TFCP2L1: variants seen among roughly 807,000 people sequenced by gnomAD.
TFCP2L1 encodes transcription factor CP2 like 1.
TFCP2L1 carries 12 observed loss-of-function variants against 72.2 expected under a neutral mutation model. The observed-to-expected ratio is 0.17, with a 90% CI of 0.11 to 0.27. The LOEUF (loss-of-function observed/expected upper bound fraction) is 0.27. Ranked by LOEUF, TFCP2L1 falls within the 10% of genes least tolerant of loss-of-function variation. TFCP2L1 has a pLI of 1.00. For synonymous variants in TFCP2L1, 260 were observed against 251.0 expected, an observed-to-expected ratio of 1.04 and a Z score of -0.34; for missense variants, 488 against 624.6, an observed-to-expected ratio of 0.78 and a Z score of 2.33.
At chr2:121,262,337 C>T (rs189223752) in intron 2 of TFCP2L1, among the ~76,000 whole-genome samples, 20 of 152,054 alleles carry the variant, frequency 1.3e-4, no homozygotes, top group African/African-American at 2.9e-4. Context: ...TGGTGGCGGG[C>T]GCCTGTAACC....
Position 121,249,701 on chromosome 2 carries a change from G to A in TFCP2L1, c.215-54C>T, listed in dbSNP as rs895507214. On this transcript the variant is annotated intron_variant, in intron 2 of 14. Coordinates refer to ENST00000263707, the MANE Select transcript of TFCP2L1 (RefSeq NM_014553.3). ...ATTTCTGAGTATTTCTAAATTTGGGGTTCATTCAGCTAGCAGCCTTCTCAA... is the reference window on the plus strand; with the variant it reads ...ATTTCTGAGTATTTCTAAATTTGGGATTCATTCAGCTAGCAGCCTTCTCAA... 6.9e-6 allele frequency: 11 copies of A among 1,585,272 alleles called. No individual in the cohort carries two copies. The African/African-American group carries it at 1.1e-4, about 16-fold the overall frequency.
chr2:121,278,909 CAGG>C (rs1478376705), intron 2 of TFCP2L1, among the ~76,000 whole-genome samples: 2 of 151,586 alleles, frequency 1.3e-5, no homozygotes, highest in African/African-American at 4.9e-5. Flanking sequence ...GAGGCTGAGG[CAGG>C]AGAATTGCTT....
chr2:121,255,677 C>T (rs1686700685), intron 2 of TFCP2L1, among the ~76,000 whole-genome samples: 1 of 152,148 alleles, frequency 6.6e-6, no homozygotes, highest in South Asian at 2.1e-4. Context: ...CCCAATGTTT[C>T]GTTCTTGCAA....
Position 121,221,186 on chromosome 2 carries a change from T to C in TFCP2L1, c.*3155A>G, listed in dbSNP as rs1244701638. On this transcript the variant is annotated 3_prime_UTR_variant, in exon 15 of 15. Transcript: ENST00000263707. ...GACCCTGAGCACATTATTCCACTTC[T>C]AGGTGATTCAGTTTCCTCATGACTC... 1 of 152,204 alleles carries C rather than the reference T, an allele frequency of 6.6e-6. No individual in the cohort carries two copies. The highest frequency in any genetic ancestry group is 1.5e-5 in the Non-Finnish European group (1 of 68,042). 9.4% of individuals were successfully genotyped at this position (152,204 alleles called of 1,614,324 possible).
At chr2:121,268,149 C>G (rs1686970560) in intron 2 of TFCP2L1, among the ~76,000 whole-genome samples, 1 of 152,110 alleles carries the variant, frequency 6.6e-6, no homozygotes, top group African/African-American at 2.4e-5. Flanking sequence ...AAACACACCC[C>G]CTATTAATTT....
At chr2:121,265,486 C>T (rs1009429100) in intron 2 of TFCP2L1, among the ~76,000 whole-genome samples, 45 of 147,194 alleles carry the variant, frequency 3.1e-4, no homozygotes, top group African/African-American at 1.1e-3. Context: ...CACAATAAAG[C>T]TTTTTTTTTT....
intron 2 of TFCP2L1, among the ~76,000 whole-genome samples, chr2:121,269,523 G>A (rs1319174435): frequency 6.6e-6 from 1 of 152,136 alleles, no homozygotes; most frequent in East Asian, 1.9e-4. Context: ...CACTTAGGGA[G>A]GCTGGGGCAG....
chr2:121,261,844 T>C (rs1281307855), intron 2 of TFCP2L1, among the ~76,000 whole-genome samples: 1 of 152,192 alleles, frequency 6.6e-6, no homozygotes, highest in South Asian at 2.1e-4. Flanking sequence ...TGGCAGACAC[T>C]ACCCTAACTA....
chr2:121,265,847 A>T (rs1686919615), intron 2 of TFCP2L1, among the ~76,000 whole-genome samples: 1 of 146,900 alleles, frequency 6.8e-6, no homozygotes, highest in South Asian at 2.2e-4. Context: ...CTCTGTACAC[A>T]TTCTTCCAAG....
At chr2:121,239,761 G>A in intron 7 of TFCP2L1, 112 bp from the exon 8 acceptor site, 1 of 1,065,964 alleles carries the variant, frequency 9.4e-7, no homozygotes, top group Non-Finnish European at 1.3e-6. Context: ...CCCCACCTGT[G>A]AAACGCAGCC....
intron 2 of TFCP2L1, among the ~76,000 whole-genome samples, chr2:121,258,904 A>T (rs1021172581): frequency 6.6e-6 from 1 of 152,214 alleles, no homozygotes; most frequent in African/African-American, 2.4e-5. Context: ...GTGGTTATAT[A>T]AAAGAATGTC....
chr2:121,224,199 C>T lies in TFCP2L1; in HGVS notation c.*142G>A, dbSNP rs1685978288. 2.3e-6 allele frequency: 2 copies of T among 881,046 alleles called. No individual in the cohort carries two copies. Among genetic ancestry groups the T allele is most frequent in the Admixed American group, 2.3e-5 (1 of 44,422 alleles). 54.6% of individuals were successfully genotyped at this position (881,046 alleles called of 1,614,324 possible). A position where few individuals can be genotyped will look rare whatever the true frequency, so the allele number is the denominator to read the frequency against. On this transcript the variant is annotated 3_prime_UTR_variant, in exon 15 of 15. Transcript: ENST00000263707. The stretch of plus-strand genomic sequence containing the variant: ...GTCCACAGGCTTCTGCTGGTTGGTG[C>T]TCTGTAGCTTTCACAGACTGGGCAG...
At chr2:121,252,215 AT>A (rs1686627126) in intron 2 of TFCP2L1, among the ~76,000 whole-genome samples, 1 of 152,116 alleles carries the variant, frequency 6.6e-6, no homozygotes, top group Admixed American at 6.6e-5. Context: ...TGCCTGGCTA[AT>A]TTTTTATTTT....
intron 6 of TFCP2L1, 122 bp downstream of exon 6, chr2:121,246,696 G>T: frequency 7.7e-7 from 1 of 1,304,152 alleles, no homozygotes; most frequent in Non-Finnish European, 1.1e-6. Flanking sequence ...GAAGCCATGT[G>T]CTAAAGGGAT....
chr2:121,281,393 G>A (rs1015416959), intron 1 of TFCP2L1, 122 bp from the exon 2 acceptor site: 37 of 1,106,972 alleles, frequency 3.3e-5, no homozygotes, highest in Admixed American at 1.6e-4. Flanking sequence ...CACGCGCATC[G>A]CAGGGTGCTG....
intron 2 of TFCP2L1, among the ~76,000 whole-genome samples, chr2:121,278,786 T>C (rs1573400346): frequency 6.7e-6 from 1 of 148,482 alleles, no homozygotes; most frequent in South Asian, 2.2e-4. Context: ...GGTGGATCAC[T>C]TGAGGCCAGG....
intron 2 of TFCP2L1, among the ~76,000 whole-genome samples, chr2:121,261,912 A>C (rs978976278): frequency 2.6e-5 from 4 of 152,202 alleles, no homozygotes; most frequent in Non-Finnish European, 5.9e-5. Flanking sequence ...TCCCCAATGC[A>C]CTGCTGGGGA....
At chr2:121,244,036 T>A (rs1040454949) in intron 6 of TFCP2L1, among the ~76,000 whole-genome samples, 31 of 152,000 alleles carry the variant, frequency 2.0e-4, no homozygotes, top group African/African-American at 7.5e-4. Flanking sequence ...GCGCAACAGA[T>A]CCAGCGTCCC....
At chr2:121,256,727 G>A (rs1306438618) in intron 2 of TFCP2L1, among the ~76,000 whole-genome samples, 37 of 152,024 alleles carry the variant, frequency 2.4e-4, no homozygotes, top group Admixed American at 2.4e-3. Context: ...AGTGAGGCAA[G>A]ATGGCGTCAT....
Sources: allele counts gnomAD v4.1 joint callset (sites outside exome capture counted in the v4.1 genomes callset), GRCh38; gene constraint gnomAD v4.1.1; transcripts MANE v1.5; gene names NCBI Gene and HGNC (gene_info 2026-07-23, HGNC 2026-07-21).